The following NIBAN1 variants were observed in gnomAD, a reference collection of about 807,000 sequenced individuals.
The protein encoded by NIBAN1 is niban apoptosis regulator 1.
NIBAN1 carries 81 observed loss-of-function variants against 75.1 expected under a neutral mutation model. The observed-to-expected ratio is 1.08, with a 90% CI of 0.90 to 1.30. NIBAN1 has a LOEUF of 1.30. NIBAN1 is among the 50% of genes most tolerant of loss of function. The probability of loss-of-function intolerance (pLI) is 0.00; values close to 1 mark genes in which losing one functional copy is unlikely to be tolerated. For missense variants in NIBAN1, 1,133 were observed against 1,128.1 expected, an observed-to-expected ratio of 1.00 and a Z score of -0.06; for synonymous variants, 436 against 424.8, an observed-to-expected ratio of 1.03 and a Z score of -0.32.
chr1:184,822,159 G>T (rs1162058199), intron 8 of NIBAN1, among the ~76,000 whole-genome samples: 1 of 152,196 alleles, frequency 6.6e-6, no homozygotes, highest in Non-Finnish European at 1.5e-5. Flanking sequence ...TTTCTAGGAA[G>T]ACTGTCAATA....
intron 6 of NIBAN1, among the ~76,000 whole-genome samples, chr1:184,827,955 T>G (rs78171141): frequency 2.7e-5 from 4 of 149,918 alleles, no homozygotes; most frequent in Admixed American, 2.0e-4. Flanking sequence ...GTAGTTTTGT[T>G]TTTTGTTTTT....
chr1:184,805,904 G>A (rs573575229), intron 11 of NIBAN1, 42 bp downstream of exon 11: 25 of 1,502,648 alleles, frequency 1.7e-5, no homozygotes, highest in South Asian at 2.3e-5. Flanking sequence ...CAGGGGTCAC[G>A]TTCTCTTTTT....
intron 4 of NIBAN1, among the ~76,000 whole-genome samples, chr1:184,888,403 G>A (rs754355599): frequency 6.6e-6 from 1 of 152,114 alleles, no homozygotes; most frequent in Non-Finnish European, 1.5e-5. Flanking sequence ...GCAACCAAAA[G>A]CAACATTGAT....
chr1:184,882,582 T>C (rs1214831371), intron 5 of NIBAN1, among the ~76,000 whole-genome samples: 1 of 152,204 alleles, frequency 6.6e-6, no homozygotes, highest in East Asian at 1.9e-4. Flanking sequence ...TTGGTGCCTT[T>C]GATAACATAC....
intron 5 of NIBAN1, among the ~76,000 whole-genome samples, chr1:184,881,165 G>A (rs1656368531): frequency 6.6e-6 from 1 of 151,814 alleles, no homozygotes; most frequent in Admixed American, 6.6e-5. Context: ...AATCTTTGAG[G>A]CTCCTAAAGG....
rs545299221 is a variant in NIBAN1, at chr1:184,885,264, C to G, written c.434-464G>C. ...GGGTTTCACCTTGTTGGCCAGGCTC[C>G]TGACCTCAAGTGATCTGCCCGCCTC... On this transcript the variant is annotated intron_variant, in intron 4 of 13. Transcript: ENST00000367511. 2.0e-5 allele frequency among the ~76,000 whole-genome samples: 3 copies of G among 152,184 alleles called. No individual in the cohort carries two copies. The East Asian group carries it at 5.8e-4, about 29-fold the overall frequency.
intron 1 of NIBAN1, among the ~76,000 whole-genome samples, chr1:184,926,816 T>C (rs1571579885): frequency 6.6e-6 from 1 of 152,190 alleles, no homozygotes; most frequent in East Asian, 1.9e-4. Flanking sequence ...TTTGAGGCTA[T>C]TTTCTAGATC....
intron 9 of NIBAN1, among the ~76,000 whole-genome samples, chr1:184,812,976 G>C (rs1654426048): frequency 6.6e-6 from 1 of 152,114 alleles, no homozygotes; most frequent in South Asian, 2.1e-4. Context: ...CATTTGGCCT[G>C]GCTAAAATTG....
intron 1 of NIBAN1, among the ~76,000 whole-genome samples, chr1:184,952,802 A>T (rs967242555): frequency 2.0e-5 from 3 of 152,254 alleles, no homozygotes; most frequent in African/African-American, 7.2e-5. Context: ...GAGAAAACCG[A>T]GGCCTAAAGA....
At chr1:184,797,663 TG>T (rs746350563) in intron 13 of NIBAN1, among the ~76,000 whole-genome samples, 49 of 151,672 alleles carry the variant, frequency 3.2e-4, no homozygotes, top group Non-Finnish European at 6.2e-4. Flanking sequence ...CTTTGGTGGG[TG>T]GGGGGCAGGG....
chr1:184,958,394 A>ACACACACG (rs1323116823), intron 1 of NIBAN1, among the ~76,000 whole-genome samples: 1 of 151,348 alleles, frequency 6.6e-6, no homozygotes, highest in African/African-American at 2.4e-5. Flanking sequence ...ACACACACAC[A>ACACACACG]CACACACAAA....
At chr1:184,831,300 T>C (rs1654993159) in intron 6 of NIBAN1, among the ~76,000 whole-genome samples, 1 of 152,214 alleles carries the variant, frequency 6.6e-6, no homozygotes, top group African/African-American at 2.4e-5. Context: ...TTGAATTTGT[T>C]TTTTTCATTA....
At chr1:184,961,214 G>T (rs1361740721) in intron 1 of NIBAN1, among the ~76,000 whole-genome samples, 2 of 151,442 alleles carry the variant, frequency 1.3e-5, no homozygotes, top group Non-Finnish European at 2.9e-5. Context: ...GACTACAGGC[G>T]CCTGCCGCCA....
intron 1 of NIBAN1, among the ~76,000 whole-genome samples, chr1:184,969,651 C>T (rs1658884237): frequency 6.6e-6 from 1 of 151,748 alleles, no homozygotes. Flanking sequence ...TTAAATGGGG[C>T]TAGTGTCTCT....
At chr1:184,952,134 C>A (rs1194533083) in intron 1 of NIBAN1, among the ~76,000 whole-genome samples, 1 of 152,210 alleles carries the variant, frequency 6.6e-6, no homozygotes, top group Non-Finnish European at 1.5e-5. Flanking sequence ...GGCATGATGG[C>A]TTACGCCTAT....
intron 1 of NIBAN1, among the ~76,000 whole-genome samples, chr1:184,947,059 G>A (rs1268768525): frequency 1.4e-5 from 1 of 69,038 alleles, no homozygotes; most frequent in African/African-American, 6.8e-5. Context: ...GGCAACAAGA[G>A]CAAAACTCCA....
chr1:184,804,611 C>G (rs774464390), intron 11 of NIBAN1, among the ~76,000 whole-genome samples: 2 of 152,118 alleles, frequency 1.3e-5, no homozygotes, highest in Non-Finnish European at 2.9e-5. Flanking sequence ...TAAAGGCACT[C>G]AAAATCTCTT....
At chr1:184,829,505 C>T (rs1441084426) in intron 6 of NIBAN1, among the ~76,000 whole-genome samples, 2 of 123,562 alleles carry the variant, frequency 1.6e-5, no homozygotes, top group African/African-American at 6.0e-5. Context: ...TTCATACTGT[C>T]ACCTGGGCTG....
At chr1:184,892,383 T>G (rs1013430507) in intron 3 of NIBAN1, among the ~76,000 whole-genome samples, 1 of 152,164 alleles carries the variant, frequency 6.6e-6, no homozygotes, top group Admixed American at 6.5e-5. Context: ...TCAAAGCCCA[T>G]AGTATGAACC....
Sources: allele counts gnomAD v4.1 joint callset (sites outside exome capture counted in the v4.1 genomes callset), GRCh38; gene constraint gnomAD v4.1.1; transcripts MANE v1.5; gene names NCBI Gene and HGNC (gene_info 2026-07-23, HGNC 2026-07-21).